The following RGPD4 variants were observed in gnomAD, a reference collection of about 807,000 sequenced individuals.
RGPD4 encodes RANBP2 like and GRIP domain containing 4, also known as ranBP2-like and GRIP domain-containing protein 4.
In RGPD4, 84 loss-of-function variants were observed where a neutral mutation model predicts 141.1. The observed-to-expected ratio is 0.60, with a 90% CI of 0.50 to 0.71. RGPD4 has a LOEUF of 0.71. RGPD4 is among the 30% of genes least tolerant of loss of function. The pLI, the probability that RGPD4 is intolerant of heterozygous loss-of-function variation, is 0.00. For missense variants in RGPD4, 918 were observed against 1,622.4 expected (o/e 0.57, Z 7.46); for synonymous variants, 298 against 566.8 (o/e 0.53, Z 6.74).
At position 107,892,254 on chromosome 2, in the gene RGPD4, C is replaced by T. The variant is rs1476047180; in HGVS notation, c.*1523C>T. On this transcript the variant is annotated 3_prime_UTR_variant, in exon 23 of 23. Transcript: ENST00000408999. ...AATGAAAATGCATCTATTTCAGAGC[C>T]GACATGAAGAGTTTAGTTTTTTTAC... is the stretch of plus-strand genomic sequence containing the variant. Among the ~76,000 whole-genome samples, 2 of 52,662 alleles carry T rather than the reference C, an allele frequency of 3.8e-5. 1 individual carries two copies. The highest frequency in any genetic ancestry group is 2.8e-4 in the African/African-American group (2 of 7,212). The allele number at this position is 52,662 out of a possible 152,430, so 34.5% of individuals were successfully genotyped here.
At chr2:107,852,268 A>G (rs1368253242) in intron 7 of RGPD4, among the ~76,000 whole-genome samples, 3 of 150,426 alleles carry the variant, frequency 2.0e-5, no homozygotes, top group African/African-American at 7.4e-5. Context: ...AAAAAAAAGG[A>G]AATAGTGAAT....
At chr2:107,836,551 G>C in intron 1 of RGPD4, 51 bp from the exon 2 acceptor site, 1 of 1,450,314 alleles carries the variant, frequency 6.9e-7, no homozygotes, top group Non-Finnish European at 9.2e-7. Flanking sequence ...TTGAAAAAAT[G>C]TTGGAAAATA....
chr2:107,846,749 T>C (rs1681963542), intron 6 of RGPD4, among the ~76,000 whole-genome samples: 1 of 151,560 alleles, frequency 6.6e-6, no homozygotes, highest in Non-Finnish European at 1.5e-5. Context: ...ATTACATGTG[T>C]GAGCCACCGC....
At chr2:107,834,690 CCTTT>C (rs1681611010) in intron 1 of RGPD4, among the ~76,000 whole-genome samples, 1 of 144,982 alleles carries the variant, frequency 6.9e-6, no homozygotes, top group Non-Finnish European at 1.5e-5. Flanking sequence ...TATAGTGCTT[CCTTT>C]AAGTGAAGAG....
At chr2:107,847,204 T>C (rs1681984135) in intron 6 of RGPD4, among the ~76,000 whole-genome samples, 1 of 147,370 alleles carries the variant, frequency 6.8e-6, no homozygotes, top group Non-Finnish European at 1.5e-5. Context: ...ATTGTGCCAC[T>C]GCACTCCAGC....
rs553057982 is a variant in RGPD4, at chr2:107,882,863, G to T, written c.5256G>T (p.Ala1752=). The part of the protein sequence containing the change: ...LSPEEKGKLA[A]VAQGEE ...CTGAAGAAAAGGGAAAACTTGCTGC[G>T]GTTGCTCAAGGTGGGTAAAAGGAGA... Residue 1752 remains alanine, a synonymous_variant, in exon 22 of 23, where the codon GCG becomes GCT. Coordinates refer to ENST00000408999, the MANE Select transcript of RGPD4 (RefSeq NM_182588.3). 8 of 1,605,788 alleles carry T rather than the reference G, an allele frequency of 5.0e-6. No individual in the cohort carries two copies. In the African/African-American group the frequency reaches 1.1e-4, roughly 22 times the overall value.
rs1305550412 is a variant in RGPD4 at position 107,849,237 on chromosome 2, A to G, written c.978+701A>G. Among the ~76,000 whole-genome samples, 5 of 82,240 alleles carry G rather than the reference A, an allele frequency of 6.1e-5. 1 individual carries two copies. Among genetic ancestry groups the G allele is most frequent in the Admixed American group, 4.4e-4 (4 of 9,018 alleles). 54.0% of individuals were successfully genotyped at this position (82,240 alleles called of 152,430 possible). On this transcript the variant is annotated intron_variant, in intron 7 of 22. Transcript: ENST00000408999. ...GCCCAGCTAATTTTTTGTATTTTTA[A>G]TAGAGATGGGGTTTCACCATGTTGG... is the stretch of plus-strand genomic sequence containing the variant.
chr2:107,884,083 T>C (rs1263362651), intron 22 of RGPD4, among the ~76,000 whole-genome samples: 1 of 151,654 alleles, frequency 6.6e-6, no homozygotes, highest in Non-Finnish European at 1.5e-5. Flanking sequence ...TTGCATTTGG[T>C]TGATGTTCCT....
At position 107,861,255 on chromosome 2, in the gene RGPD4, T is replaced by C; in HGVS notation, c.1982T>C (p.Val661Ala). Reference protein sequence around the residue: ...AHVTFAILDAVNGNIEDAMTA... With the variant: ...AHVTFAILDAANGNIEDAMTA... ...GTAACTTTTGCTATATTGGATGCAGTAAATGGAAATATAGAAGATGCTATG... is the reference window on the plus strand; with the variant it reads ...GTAACTTTTGCTATATTGGATGCAGCAAATGGAAATATAGAAGATGCTATG... Residue 661 changes from valine to alanine, a missense_variant, in exon 14 of 23, where the codon GTA (valine) becomes GCA (alanine). Transcript: ENST00000408999. 2.8e-6 allele frequency: 1 copy of C among 363,012 alleles called. No homozygotes were observed. The highest frequency in any genetic ancestry group is 5.5e-5 in the African/African-American group (1 of 18,244). 22.5% of individuals were successfully genotyped at this position (363,012 alleles called of 1,614,324 possible).
rs202214994 is a variant in RGPD4 at position 107,827,013 on chromosome 2, G to A, written c.-1G>A. ...GTCTCGGGAGCCAGGTTGGTGGCGC[G>A]ATGAGTTGCAGCAAGGCCTACGGGG... On this transcript the variant is annotated 5_prime_UTR_variant, in exon 1 of 23. Coordinates refer to ENST00000408999, the MANE Select transcript of RGPD4 (RefSeq NM_182588.3). 937 of 1,598,290 alleles carry A rather than the reference G, an allele frequency of 5.9e-4. 1 individual carries two copies. The highest frequency in any genetic ancestry group is 1.6e-3 in the Middle Eastern group (7 of 4,416).
At chr2:107,865,933 G>C (rs911094315) in intron 17 of RGPD4, among the ~76,000 whole-genome samples, 1 of 133,212 alleles carries the variant, frequency 7.5e-6, no homozygotes, top group Admixed American at 7.4e-5. Context: ...AGCCTGGCGT[G>C]CTGGCTGACA....
intron 22 of RGPD4, among the ~76,000 whole-genome samples, chr2:107,888,068 T>TA (rs1423596154): frequency 1.5e-5 from 2 of 133,248 alleles, no homozygotes; most frequent in Non-Finnish European, 3.2e-5. Flanking sequence ...CCAAGCCTGT[T>TA]ATAGGCTTTT....
chr2:107,831,873 A>G (rs940298938), intron 1 of RGPD4, among the ~76,000 whole-genome samples: 2 of 131,496 alleles, frequency 1.5e-5, no homozygotes, highest in Non-Finnish European at 3.2e-5. Context: ...GCCGGGCCCC[A>G]TTTTAGACAT....
chr2:107,845,882 G>A (rs1231608633), intron 6 of RGPD4, among the ~76,000 whole-genome samples: 6 of 148,124 alleles, frequency 4.1e-5, no homozygotes, highest in Non-Finnish European at 6.0e-5. Flanking sequence ...GCTAATTTTT[G>A]TATTTTTAGT....
intron 6 of RGPD4, among the ~76,000 whole-genome samples, chr2:107,844,830 GTTTTTTTTTTTT>G (rs1222283120): frequency 9.2e-4 from 24 of 26,150 alleles, no homozygotes; most frequent in African/African-American, 3.5e-3. Flanking sequence ...TTTCTTTTTT[GTTTTTTTTTTTT>G]TTTTTTTTTT....
intron 1 of RGPD4, among the ~76,000 whole-genome samples, chr2:107,827,775 G>A (rs1299429312): frequency 3.0e-5 from 1 of 33,506 alleles, no homozygotes; most frequent in Non-Finnish European, 5.9e-5. Context: ...TCCCTGGCGC[G>A]CTCTGTTGAG....
chr2:107,883,943 A>G (rs1199808017), intron 22 of RGPD4, among the ~76,000 whole-genome samples: 2 of 152,100 alleles, frequency 1.3e-5, no homozygotes, highest in Non-Finnish European at 1.5e-5. Context: ...TAAATCCCAC[A>G]CATCATTTCT....
In RGPD4 at chr2:107,844,836, T is replaced by G. The variant is rs1323172883; in HGVS notation, c.782+1106T>G. Among the ~76,000 whole-genome samples the G allele has an allele frequency of 3.8e-4, 35 of 92,960 alleles. No homozygotes were observed. The East Asian group carries it at 5.8e-3, about 15-fold the overall frequency. 61.0% of individuals were successfully genotyped at this position (92,960 alleles called of 152,430 possible). ...CTTTCTTTCTTTCTTTTTTGTTTTTTTTTTTTTTTTTTTTTTTTGAGAGGG... is the reference window on the plus strand; with the variant it reads ...CTTTCTTTCTTTCTTTTTTGTTTTTGTTTTTTTTTTTTTTTTTTGAGAGGG... On this transcript the variant is annotated intron_variant, in intron 6 of 22. Transcript: ENST00000408999.
chr2:107,886,673 G>A (rs578075615), intron 22 of RGPD4, among the ~76,000 whole-genome samples: 2 of 152,158 alleles, frequency 1.3e-5, no homozygotes, highest in South Asian at 4.2e-4. Context: ...CACTAGGGGG[G>A]CATTTTGTTA....
Sources: allele counts gnomAD v4.1 joint callset (sites outside exome capture counted in the v4.1 genomes callset), GRCh38; gene constraint gnomAD v4.1.1; transcripts MANE v1.5; gene names NCBI Gene and HGNC (gene_info 2026-07-23, HGNC 2026-07-21).